The following PDSS2 variants were observed in gnomAD, a reference collection of about 807,000 sequenced individuals.
PDSS2 encodes the protein decaprenyl diphosphate synthase subunit 2, also known as all trans-polyprenyl-diphosphate synthase PDSS2.
In PDSS2, 31 loss-of-function variants were observed where a neutral mutation model predicts 44.5. The ratio of observed to expected loss-of-function variants is 0.70; its 90% CI spans 0.52 to 0.94. PDSS2 has a LOEUF of 0.94. Among genes scored for constraint, PDSS2 ranks in the 40% least tolerant of loss-of-function variants. The probability of loss-of-function intolerance (pLI) is 0.00; values close to 1 mark genes in which losing one functional copy is unlikely to be tolerated. For missense variants in PDSS2, 452 were observed against 482.2 expected, an observed-to-expected ratio of 0.94 and a Z score of 0.59; for synonymous variants, 157 against 180.3, an observed-to-expected ratio of 0.87 and a Z score of 1.03.
intron 3 of PDSS2, among the ~76,000 whole-genome samples, chr6:107,263,543 T>C (rs1775316807): frequency 6.6e-6 from 1 of 152,226 alleles, no homozygotes; most frequent in South Asian, 2.1e-4. Context: ...TCTGGTTTGA[T>C]ACTCAGAGAA....
chr6:107,404,962 C>T (rs1045914071), intron 1 of PDSS2, among the ~76,000 whole-genome samples: 80 of 152,212 alleles, frequency 5.3e-4, no homozygotes, highest in African/African-American at 1.9e-3. Context: ...GCAAGAAGGA[C>T]CTCACTTCAA....
chr6:107,344,442 C>T (rs558232511), intron 1 of PDSS2, among the ~76,000 whole-genome samples: 4 of 152,232 alleles, frequency 2.6e-5, no homozygotes, highest in Admixed American at 6.5e-5. Flanking sequence ...CTTGAAACAA[C>T]TTTAGGGCCT....
At chr6:107,452,912 G>T (rs549077207) in intron 1 of PDSS2, among the ~76,000 whole-genome samples, 6 of 152,040 alleles carry the variant, frequency 3.9e-5, no homozygotes, top group Non-Finnish European at 8.8e-5. Context: ...TGATCTGCCC[G>T]CCTCGGCCTC....
Position 107,450,369 on chromosome 6 carries a change from TGAG to T in PDSS2, c.296+8618_296+8620del, listed in dbSNP as rs1781827867. 3.3e-5 allele frequency among the ~76,000 whole-genome samples: 5 copies of T among 152,248 alleles called. No individual in the cohort carries two copies. In the South Asian group the frequency reaches 1.0e-3, roughly 32 times the overall value. ...ACTATGAATGTAGGGGGAAGAATGTTGAGGAATCAATTCACAATGACCAACTAC... is the reference window on the plus strand; with the variant it reads ...ACTATGAATGTAGGGGGAAGAATGTTGAATCAATTCACAATGACCAACTAC... On this transcript the variant is annotated intron_variant, in intron 1 of 7. Transcript: ENST00000369037.
rs1770782588 is a variant in PDSS2 at position 107,153,646 on chromosome 6, T to TCCTAATATAA, written c.*963_*972dup. 1 of 152,646 alleles carries TCCTAATATAA rather than the reference T, an allele frequency of 6.6e-6. No individual in the cohort carries two copies. The highest frequency in any genetic ancestry group is 1.5e-5 in the Non-Finnish European group (1 of 68,048). 9.5% of individuals were successfully genotyped at this position (152,646 alleles called of 1,614,324 possible). On this transcript the variant is annotated 3_prime_UTR_variant, in exon 8 of 8. Coordinates refer to ENST00000369037, the MANE Select transcript of PDSS2 (RefSeq NM_020381.4). ...TCTTCAGGAAAGAAAAACAGACTAT[T>TCCTAATATAA]CCTAATATAACCAATTTAACATTTG...
chr6:107,191,325 G>A (rs1176682282), intron 7 of PDSS2, among the ~76,000 whole-genome samples: 2 of 152,180 alleles, frequency 1.3e-5, no homozygotes, highest in Non-Finnish European at 2.9e-5. Flanking sequence ...TCAGTGTTCA[G>A]ATGAAGAGAC....
chr6:107,288,488 GGA>G (rs1330576614), intron 2 of PDSS2, among the ~76,000 whole-genome samples: 1 of 152,168 alleles, frequency 6.6e-6, no homozygotes, highest in Non-Finnish European at 1.5e-5. Context: ...GCAGGGAGCA[GGA>G]AATGCAGATG....
At chr6:107,167,227 ATTT>A (rs1554247677) in intron 7 of PDSS2, among the ~76,000 whole-genome samples, 5,798 of 152,226 alleles carry the variant, frequency 0.038, 359 homozygotes, top group African/African-American at 0.13. Context: ...GTGTCCAGGA[ATTT>A]ATGCATTTCT....
At chr6:107,213,728 G>A (rs1773311372) in intron 4 of PDSS2, among the ~76,000 whole-genome samples, 1 of 152,142 alleles carries the variant, frequency 6.6e-6, no homozygotes, top group African/African-American at 2.4e-5. Context: ...CTGCACTCCA[G>A]CCTGGGCGAA....
At chr6:107,212,433 TCTAC>T in intron 4 of PDSS2, 151 bp from the exon 5 acceptor site, 1 of 643,746 alleles carries the variant, frequency 1.6e-6, no homozygotes, top group Non-Finnish European at 2.6e-6. Flanking sequence ...TAACCTCAGC[TCTAC>T]CTAAAAAGAA....
chr6:107,276,860 G>A (rs1442770504), intron 2 of PDSS2, among the ~76,000 whole-genome samples: 1 of 152,182 alleles, frequency 6.6e-6, no homozygotes, highest in Non-Finnish European at 1.5e-5. Flanking sequence ...GCCTCTTAGA[G>A]AATGAAAGGC....
At chr6:107,208,786 C>G (rs1773099026) in intron 6 of PDSS2, among the ~76,000 whole-genome samples, 1 of 151,998 alleles carries the variant, frequency 6.6e-6, no homozygotes, top group African/African-American at 2.4e-5. Context: ...GTCTCGAACT[C>G]CTGACCTCAG....
At chr6:107,290,622 G>A (rs923389613) in intron 2 of PDSS2, among the ~76,000 whole-genome samples, 3 of 151,672 alleles carry the variant, frequency 2.0e-5, no homozygotes, top group Admixed American at 6.6e-5. Flanking sequence ...AACATGCCAA[G>A]CCTATTCTTG....
At chr6:107,211,693 C>T (rs918453776) in intron 5 of PDSS2, among the ~76,000 whole-genome samples, 2 of 149,354 alleles carry the variant, frequency 1.3e-5, no homozygotes, top group African/African-American at 5.0e-5. Context: ...TGAGATTGCA[C>T]CACTGCACTC....
At chr6:107,165,299 TC>T (rs1771302767) in intron 7 of PDSS2, among the ~76,000 whole-genome samples, 2 of 152,204 alleles carry the variant, frequency 1.3e-5, no homozygotes, top group African/African-American at 4.8e-5. Context: ...TGGTTTTAGG[TC>T]TAACATTTAA....
At chr6:107,383,297 T>G (rs1288934874) in intron 1 of PDSS2, among the ~76,000 whole-genome samples, 1 of 29,038 alleles carries the variant, frequency 3.4e-5, no homozygotes, top group African/African-American at 2.0e-4. Flanking sequence ...AGACTCCATC[T>G]CAAAAAAAAA....
intron 1 of PDSS2, among the ~76,000 whole-genome samples, chr6:107,345,559 CA>C (rs964117722): frequency 6.6e-6 from 1 of 151,204 alleles, no homozygotes; most frequent in African/African-American, 2.4e-5. Flanking sequence ...AAAAATACAA[CA>C]GCAGATGGAT....
intron 1 of PDSS2, among the ~76,000 whole-genome samples, chr6:107,398,660 T>C (rs1780018795): frequency 6.6e-6 from 1 of 152,230 alleles, no homozygotes; most frequent in African/African-American, 2.4e-5. Flanking sequence ...CCATAGCATT[T>C]AGCAAATACC....
At chr6:107,311,505 G>A (rs1475349930) in intron 2 of PDSS2, among the ~76,000 whole-genome samples, 1 of 152,134 alleles carries the variant, frequency 6.6e-6, no homozygotes, top group East Asian at 1.9e-4. Context: ...ATGACACCCA[G>A]CCTTCAATCA....
Sources: allele counts gnomAD v4.1 joint callset (sites outside exome capture counted in the v4.1 genomes callset), GRCh38; gene constraint gnomAD v4.1.1; transcripts MANE v1.5; gene names NCBI Gene and HGNC (gene_info 2026-07-23, HGNC 2026-07-21).